Variants in TIGD3 observed in about 807,000 individuals in gnomAD.
TIGD3 encodes tigger transposable element-derived protein 3.
TIGD3 carries 7 observed loss-of-function variants against 14.8 expected under a neutral mutation model. The ratio of observed to expected loss-of-function variants is 0.47; its 90% CI spans 0.27 to 0.89. The LOEUF is 0.89. Ranked by LOEUF, TIGD3 falls within the 40% of genes least tolerant of loss-of-function variation. The pLI, the probability that TIGD3 is intolerant of heterozygous loss-of-function variation, is 0.13. For synonymous variants in TIGD3, 243 were observed against 269.4 expected, an observed-to-expected ratio of 0.90 and a Z score of 0.96; for missense variants, 581 against 611.0, an observed-to-expected ratio of 0.95 and a Z score of 0.52.
rs148796463 is a variant in TIGD3, at chr11:65,356,248, C to T, written c.440C>T (p.Pro147Leu). 2.8e-5 allele frequency: 45 copies of T among 1,612,968 alleles called. No individual in the cohort carries two copies. The highest frequency in any genetic ancestry group is 2.3e-4 in the Admixed American group (14 of 60,014). The stretch of plus-strand genomic sequence containing the variant: ...CATGTTCTTGCGCCTTCATTCCCCC[C>T]TGAGCCACCTCCCCCGGGGCTCACA... ...ARHVLAPSFP[P>L]EPPPPGLTSQ... Residue 147 changes from proline to leucine, a missense_variant, in exon 2 of 2, where the codon CCT becomes CTT. Coordinates refer to ENST00000309880, the MANE Select transcript of TIGD3 (RefSeq NM_145719.3). The surrounding 1 kb of genome is among the most constrained non-coding windows in gnomAD (Gnocchi z 5.2).
chr11:65,355,551 C>T (rs1461723762), intron 1 of TIGD3, among the ~76,000 whole-genome samples: 1 of 151,636 alleles, frequency 6.6e-6, no homozygotes, highest in Non-Finnish European at 1.5e-5. Context: ...TGAGGCCAGA[C>T]CCCAGCCCAG....
chr11:65,355,416 G>A (rs1210437120), intron 1 of TIGD3, among the ~76,000 whole-genome samples: 2 of 147,700 alleles, frequency 1.4e-5, no homozygotes, highest in Non-Finnish European at 3.0e-5. Context: ...CCTCCCGGGG[G>A]CTCCTCCCCC....
chr11:65,356,976 G>A lies in TIGD3; in HGVS notation c.1168G>A (p.Glu390Lys). 1 of 1,614,176 alleles carries A rather than the reference G, an allele frequency of 6.2e-7. No individual in the cohort carries two copies. The highest frequency in any genetic ancestry group is 8.5e-7 in the Non-Finnish European group (1 of 1,180,036). ...ACCAGTCCCCGGCGGGCTGAGCCTG[G>A]AGGAGTTTTCCCGCTTTGTGGACCT... ...MPPVPGGLSL[E>K]EFSRFVDLEG... The change falls in exon 2 of 2, where the codon GAG (glutamate) becomes AAG (lysine). Residue 390 changes from glutamate (E) to lysine (K), a missense_variant. Glu to Lys is a moderately conservative substitution (Grantham distance 56). Coordinates refer to ENST00000309880, the MANE Select transcript of TIGD3 (RefSeq NM_145719.3). This position sits in a 1 kb window ranked among gnomAD's most constrained non-coding sequence, Gnocchi z 5.2.
rs1226120643 is a variant in TIGD3 at position 65,357,148 on chromosome 11, G to A, written c.1340G>A (p.Cys447Tyr). 1.2e-6 allele frequency: 2 copies of A among 1,614,092 alleles called. No homozygotes were observed. The highest frequency in any genetic ancestry group is 1.7e-5 in the Admixed American group (1 of 60,010). ...ALGTLRRWFE[C>Y]NSTSPELFEK... is the part of the protein sequence containing the mutation. ...GGCACCTTGAGGAGGTGGTTTGAAT[G>A]CAACAGCACTTCTCCTGAGCTATTC... Residue 447 changes from cysteine (C) to tyrosine (Y), a missense_variant, in exon 2 of 2, where the codon TGC becomes TAC. Cys to Tyr is a radical substitution (Grantham distance 194, BLOSUM62 -2). Coordinates refer to ENST00000309880, the MANE Select transcript of TIGD3 (RefSeq NM_145719.3).
rs778827394 is a variant in TIGD3, at chr11:65,356,841, T to G, written c.1033T>G (p.Ser345Ala). The G allele has an allele frequency of 2.7e-5, 44 of 1,613,144 alleles. No individual in the cohort carries two copies. In the East Asian group the frequency reaches 9.6e-4, roughly 35 times the overall value. Residue 345 changes from serine to alanine, a missense_variant, in exon 2 of 2, where the codon TCT becomes GCT. Coordinates refer to ENST00000309880, the MANE Select transcript of TIGD3 (RefSeq NM_145719.3). This position sits in a 1 kb window ranked among gnomAD's most constrained non-coding sequence, Gnocchi z 5.2. ...CGTGCTGGACGCCCTGCACGTGGCGTCTGCCGCCTGGGCCAAGGTGCCTCC... is the reference window on the plus strand; with the variant it reads ...CGTGCTGGACGCCCTGCACGTGGCGGCTGCCGCCTGGGCCAAGGTGCCTCC... ...ITVLDALHVA[S>A]AAWAKVPPQL...
At position 65,357,152 on chromosome 11, in the gene TIGD3, C is replaced by A. The variant is rs1212645180; in HGVS notation, c.1344C>A (p.Asn448Lys). The A allele has an allele frequency of 6.2e-7, 1 of 1,614,190 alleles. No individual in the cohort carries two copies. Among genetic ancestry groups the A allele is most frequent in the Non-Finnish European group, 8.5e-7 (1 of 1,180,036 alleles). ...LGTLRRWFEC[N>K]STSPELFEKF... ...CCTTGAGGAGGTGGTTTGAATGCAA[C>A]AGCACTTCTCCTGAGCTATTCGAAA... Residue 448 changes from asparagine to lysine, a missense_variant, in exon 2 of 2, where the codon AAC becomes AAA. Asn to Lys is a moderately conservative substitution (Grantham distance 94). Transcript: ENST00000309880.
chr11:65,356,047 A>G lies in TIGD3; in HGVS notation c.239A>G (p.Asp80Gly). 1 of 1,612,856 alleles carries G rather than the reference A, an allele frequency of 6.2e-7. No homozygotes were observed. Among genetic ancestry groups the G allele is most frequent in the Non-Finnish European group, 8.5e-7 (1 of 1,180,024 alleles). The change falls in exon 2 of 2, where the codon GAC becomes GGC. Residue 80 changes from aspartate (D) to glycine (G), a missense_variant. Transcript: ENST00000309880. This position sits in a 1 kb window ranked among gnomAD's most constrained non-coding sequence, Gnocchi z 5.2. Reference protein sequence around the residue: ...RKRESKYSGIDEALLCWYHIA... With the variant: ...RKRESKYSGIGEALLCWYHIA... The stretch of plus-strand genomic sequence containing the variant: ...CGGGAGTCCAAGTACAGCGGGATCG[A>G]CGAGGCTCTGCTCTGCTGGTACCAC...
chr11:65,357,448 G>C lies in TIGD3; in HGVS notation c.*224G>C. ...GGCTTCGGGGGTAGGAATCCAGGATGCTTAGTTTCTAGACCCTGCTTGAAA... is the reference window on the plus strand; with the variant it reads ...GGCTTCGGGGGTAGGAATCCAGGATCCTTAGTTTCTAGACCCTGCTTGAAA... On this transcript the variant is annotated 3_prime_UTR_variant, in exon 2 of 2. Transcript: ENST00000309880. 1 of 547,472 alleles carries C rather than the reference G, an allele frequency of 1.8e-6. No individual in the cohort carries two copies. The highest frequency in any genetic ancestry group is 3.3e-6 in the Non-Finnish European group (1 of 300,246). 33.9% of individuals were successfully genotyped at this position (547,472 alleles called of 1,614,324 possible).
In TIGD3 at chr11:65,356,882, C is replaced by T; in HGVS notation, c.1074C>T (p.Ser358=). 1 of 1,613,800 alleles carries T rather than the reference C, an allele frequency of 6.2e-7. No individual in the cohort carries two copies. Among genetic ancestry groups the T allele is most frequent in the Non-Finnish European group, 8.5e-7 (1 of 1,180,042 alleles). Residue 358 remains serine (S), a synonymous_variant, in exon 2 of 2, where the codon AGC becomes AGT. Coordinates refer to ENST00000309880, the MANE Select transcript of TIGD3 (RefSeq NM_145719.3). The surrounding 1 kb of genome is among the most constrained non-coding windows in gnomAD (Gnocchi z 5.2). ...AGGTGCCTCCTCAGCTCATTTTCAGCAGCTTCATTCAAGAAGGGCTGGCTC... is the reference window on the plus strand; with the variant it reads ...AGGTGCCTCCTCAGCTCATTTTCAGTAGCTTCATTCAAGAAGGGCTGGCTC... ...WAKVPPQLIF[S]SFIQEGLAPG...
In TIGD3 at chr11:65,357,298, C is replaced by G. The variant is rs553752532; in HGVS notation, c.*74C>G. The G allele has an allele frequency of 8.4e-5, 115 of 1,361,424 alleles. No individual in the cohort carries two copies. In the East Asian group the frequency reaches 2.6e-3, roughly 31 times the overall value. The allele number at this position is 1,361,424 out of a possible 1,614,324, so 84.3% of individuals were successfully genotyped here. On this transcript the variant is annotated 3_prime_UTR_variant, in exon 2 of 2. Transcript: ENST00000309880. ...GAAACGGCCTCTTCAGAAGGCAGAT[C>G]GGGCTGTCTCTTTCCTGTGGAAATA...
rs1405555758 is a variant in TIGD3, at chr11:65,357,445, G to A, written c.*221G>A. On this transcript the variant is annotated 3_prime_UTR_variant, in exon 2 of 2. Transcript: ENST00000309880. ...TGGGGCTTCGGGGGTAGGAATCCAG[G>A]ATGCTTAGTTTCTAGACCCTGCTTG... 5.4e-6 allele frequency: 3 copies of A among 553,042 alleles called. No homozygotes were observed. Among genetic ancestry groups the A allele is most frequent in the Admixed American group, 6.9e-5 (2 of 29,060 alleles). 34.3% of individuals were successfully genotyped at this position (553,042 alleles called of 1,614,324 possible). A position where few individuals can be genotyped will look rare whatever the true frequency, so the allele number is the denominator to read the frequency against.
Position 65,356,048 on chromosome 11 carries a change from C to T in TIGD3, c.240C>T (p.Asp80=). 2 of 1,612,812 alleles carry T rather than the reference C, an allele frequency of 1.2e-6. No individual in the cohort carries two copies. The highest frequency in any genetic ancestry group is 1.1e-5 in the South Asian group (1 of 91,076). ...RKRESKYSGI[D]EALLCWYHIA... ...GGGAGTCCAAGTACAGCGGGATCGA[C>T]GAGGCTCTGCTCTGCTGGTACCACA... The change falls in exon 2 of 2, where the codon GAC becomes GAT. Residue 80 remains aspartate (D), a synonymous_variant. Coordinates refer to ENST00000309880, the MANE Select transcript of TIGD3 (RefSeq NM_145719.3). The surrounding 1 kb of genome is among the most constrained non-coding windows in gnomAD (Gnocchi z 5.2).
At position 65,356,565 on chromosome 11, in the gene TIGD3, G is replaced by C; in HGVS notation, c.757G>C (p.Asp253His). ...WLEWLAQFDRDMGQQGRQVAL... is the reference protein window; with the variant it reads ...WLEWLAQFDRHMGQQGRQVAL... ...AGAGTGGTTGGCACAGTTTGACCGGGACATGGGACAGCAGGGCCGACAGGT... is the reference window on the plus strand; with the variant it reads ...AGAGTGGTTGGCACAGTTTGACCGGCACATGGGACAGCAGGGCCGACAGGT... Residue 253 changes from aspartate to histidine, a missense_variant, in exon 2 of 2, where the codon GAC becomes CAC. By Grantham distance (81) the Asp-to-His change is moderately conservative. Coordinates refer to ENST00000309880, the MANE Select transcript of TIGD3 (RefSeq NM_145719.3). This position sits in a 1 kb window ranked among gnomAD's most constrained non-coding sequence, Gnocchi z 5.2. The C allele has an allele frequency of 1.2e-6, 2 of 1,608,088 alleles. No individual in the cohort carries two copies. The highest frequency in any genetic ancestry group is 1.7e-6 in the Non-Finnish European group (2 of 1,179,932).
At position 65,355,958 on chromosome 11, in the gene TIGD3, G is replaced by A. The variant is rs777691849; in HGVS notation, c.150G>A (p.Lys50=). ...AGCCCCAGATCTCGCGCATCTGCAA[G>A]AATAAGGAGAAGCTGCTGGCGGACT... ...VSQPQISRIC[K]NKEKLLADWC... The change falls in exon 2 of 2, where the codon AAG becomes AAA. Residue 50 remains lysine, a synonymous_variant. Coordinates refer to ENST00000309880, the MANE Select transcript of TIGD3 (RefSeq NM_145719.3). The A allele has an allele frequency of 6.2e-7, 1 of 1,613,958 alleles. No individual in the cohort carries two copies. Among genetic ancestry groups the A allele is most frequent in the Admixed American group, 1.7e-5 (1 of 60,026 alleles).
Position 65,356,549 on chromosome 11 carries a change from G to C in TIGD3, c.741G>C (p.Leu247Phe). 2.5e-6 allele frequency: 4 copies of C among 1,607,360 alleles called. No individual in the cohort carries two copies. Among genetic ancestry groups the C allele is most frequent in the Non-Finnish European group, 3.4e-6 (4 of 1,179,942 alleles). ...TGGGCATCCCCTGGTTAGAGTGGTT[G>C]GCACAGTTTGACCGGGACATGGGAC... The part of the protein sequence containing the change: ...PDLGIPWLEW[L>F]AQFDRDMGQQ... Residue 247 changes from leucine to phenylalanine, a missense_variant, in exon 2 of 2, where the codon TTG (leucine) becomes TTC (phenylalanine). Coordinates refer to ENST00000309880, the MANE Select transcript of TIGD3 (RefSeq NM_145719.3). The surrounding 1 kb of genome is among the most constrained non-coding windows in gnomAD (Gnocchi z 5.2).
chr11:65,356,993 T>C lies in TIGD3; in HGVS notation c.1185T>C (p.Phe395=), dbSNP rs1412949010. The C allele has an allele frequency of 3.1e-6, 5 of 1,614,030 alleles. No homozygotes were observed. The highest frequency in any genetic ancestry group is 1.3e-5 in the African/African-American group (1 of 74,930). The change falls in exon 2 of 2, where the codon TTT becomes TTC. Residue 395 remains phenylalanine, a synonymous_variant. Coordinates refer to ENST00000309880, the MANE Select transcript of TIGD3 (RefSeq NM_145719.3). The surrounding 1 kb of genome is among the most constrained non-coding windows in gnomAD (Gnocchi z 5.2). ...GGLSLEEFSR[F]VDLEGEEPRS... ...TGAGCCTGGAGGAGTTTTCCCGCTT[T>C]GTGGACCTGGAGGGTGAGGAGCCAA... is the stretch of plus-strand genomic sequence containing the variant.
rs761622784 is a variant in TIGD3 at position 65,357,182 on chromosome 11, C to G, written c.1374C>G (p.Phe458Leu). The G allele has an allele frequency of 2.8e-5, 46 of 1,614,226 alleles. No homozygotes were observed. The South Asian group carries it at 4.8e-4, about 17-fold the overall frequency. ...CTTCTCCTGAGCTATTCGAAAAATTCTACGACTGTGAGGAGGAGGTGGAGC... is the reference window on the plus strand; with the variant it reads ...CTTCTCCTGAGCTATTCGAAAAATTGTACGACTGTGAGGAGGAGGTGGAGC... ...NSTSPELFEKFYDCEEEVERL... is the reference protein window; with the variant it reads ...NSTSPELFEKLYDCEEEVERL... The change falls in exon 2 of 2, where the codon TTC becomes TTG. Residue 458 changes from phenylalanine to leucine, a missense_variant. Coordinates refer to ENST00000309880, the MANE Select transcript of TIGD3 (RefSeq NM_145719.3).
chr11:65,355,646 C>T (rs985023360), intron 1 of TIGD3, 147 bp from the exon 2 acceptor site: 3 of 697,614 alleles, frequency 4.3e-6, no homozygotes, highest in Admixed American at 6.1e-5. Context: ...GGCTTCCACT[C>T]GGCCTAGCCA....
intron 1 of TIGD3, 25 bp from the exon 2 acceptor site, chr11:65,355,768 C>A: frequency 6.4e-7 from 1 of 1,560,874 alleles, no homozygotes; most frequent in South Asian, 1.2e-5. Context: ...TTACTCTACC[C>A]GCTCAATCTT....
Sources: allele counts gnomAD v4.1 joint callset (sites outside exome capture counted in the v4.1 genomes callset), GRCh38; gene constraint gnomAD v4.1.1; non-coding constraint Gnocchi (gnomAD v3.1); transcripts MANE v1.5; gene names NCBI Gene and HGNC (gene_info 2026-07-23, HGNC 2026-07-21).